PTPRK: variants seen among roughly 807,000 people sequenced by gnomAD.
The protein encoded by PTPRK is receptor-type tyrosine-protein phosphatase kappa.
Under a neutral mutation model 178.0 loss-of-function variants are expected in PTPRK, and 75 were observed. The ratio of observed to expected loss-of-function variants is 0.42; its 90% CI spans 0.35 to 0.51. PTPRK has a LOEUF of 0.51. PTPRK is among the 20% of genes least tolerant of loss of function. The pLI, the probability that PTPRK is intolerant of heterozygous loss-of-function variation, is 0.02. For synonymous variants in PTPRK, 637 were observed against 620.6 expected (o/e 1.03, Z -0.39); for missense variants, 1,441 against 1,797.8 (o/e 0.80, Z 3.59).
At chr6:128,215,619 A>G (rs1809131995) in intron 6 of PTPRK, among the ~76,000 whole-genome samples, 1 of 152,154 alleles carries the variant, frequency 6.6e-6, no homozygotes. Flanking sequence ...GTGGGAAAAC[A>G]TAGATCAATA....
intron 7 of PTPRK, among the ~76,000 whole-genome samples, chr6:128,158,557 A>T (rs1798262821): frequency 6.6e-6 from 1 of 151,956 alleles, no homozygotes; most frequent in Non-Finnish European, 1.5e-5. Context: ...ACTGGAAGAA[A>T]GTCTGAACGT....
intron 7 of PTPRK, among the ~76,000 whole-genome samples, chr6:128,157,419 CTAAA>C (rs775390739): frequency 2.6e-5 from 4 of 151,898 alleles, no homozygotes. Context: ...TCACAGTTGA[CTAAA>C]TAAACCACAA....
At chr6:128,381,202 T>C (rs988490238) in intron 2 of PTPRK, among the ~76,000 whole-genome samples, 5 of 152,212 alleles carry the variant, frequency 3.3e-5, no homozygotes, top group African/African-American at 1.2e-4. Flanking sequence ...GAAAATTTTT[T>C]AATTAGAATG....
At chr6:128,149,002 T>C (rs1796884817) in intron 7 of PTPRK, among the ~76,000 whole-genome samples, 2 of 151,910 alleles carry the variant, frequency 1.3e-5, no homozygotes, top group Admixed American at 6.6e-5. Flanking sequence ...CAAGGGGAAT[T>C]CATTGACGAT....
At chr6:128,469,631 C>T (rs1237050337) in intron 1 of PTPRK, among the ~76,000 whole-genome samples, 2 of 152,050 alleles carry the variant, frequency 1.3e-5, no homozygotes, top group African/African-American at 2.4e-5. Flanking sequence ...CTGAATAATG[C>T]GCCCCCAACA....
intron 3 of PTPRK, among the ~76,000 whole-genome samples, chr6:128,319,146 T>A (rs1402571247): frequency 2.0e-5 from 3 of 152,174 alleles, no homozygotes; most frequent in Non-Finnish European, 2.9e-5. Context: ...GTGGAAAGCA[T>A]CTAGGAATAG....
chr6:128,151,068 T>G (rs1331606504), intron 7 of PTPRK, among the ~76,000 whole-genome samples: 1 of 152,124 alleles, frequency 6.6e-6, no homozygotes, highest in African/African-American at 2.4e-5. Context: ...TTGATTGATA[T>G]TTCAGGCTGT....
chr6:128,050,366 T>C (rs968280137), intron 13 of PTPRK, among the ~76,000 whole-genome samples: 1 of 152,158 alleles, frequency 6.6e-6, no homozygotes, highest in East Asian at 1.9e-4. Context: ...CCAAATTCCG[T>C]TTCATATTTT....
Position 128,054,645 on chromosome 6 carries a change from A to G in PTPRK, c.2194+10113T>C, listed in dbSNP as rs189323213. Among the ~76,000 whole-genome samples the G allele has an allele frequency of 1.9e-4, 29 of 151,394 alleles. 1 individual carries two copies. The East Asian group carries it at 4.8e-3, about 25-fold the overall frequency. Reference sequence around the variant, plus strand: ...GTGGGACACAAGCATTGCTCACTACACTTTTCCAGCCACTTTGTCTTTTTT... The same window carrying G: ...GTGGGACACAAGCATTGCTCACTACGCTTTTCCAGCCACTTTGTCTTTTTT... On this transcript the variant is annotated intron_variant, in intron 13 of 29. Transcript: ENST00000368226.
intron 25 of PTPRK, 132 bp from the exon 26 acceptor site, chr6:127,977,186 G>A: frequency 1.2e-6 from 1 of 857,868 alleles, no homozygotes; most frequent in Non-Finnish European, 1.8e-6. Context: ...GAGCCAGAGT[G>A]ATGATTAAAC....
rs549854579 is a variant in PTPRK, at chr6:128,231,423, T to C, written c.693+8612A>G. On this transcript the variant is annotated intron_variant, in intron 5 of 29. Coordinates refer to ENST00000368226, the MANE Select transcript of PTPRK (RefSeq NM_002844.4). ...GAATTAAATAGCAAGCTACTATTCA[T>C]CTATCAGCTAAAGTTTAGAGCAGGT... 4.0e-4 allele frequency among the ~76,000 whole-genome samples: 61 copies of C among 152,298 alleles called. 1 individual carries two copies. The South Asian group carries it at 5.2e-3, about 13-fold the overall frequency.
At chr6:128,309,621 G>A (rs1304635409) in intron 3 of PTPRK, among the ~76,000 whole-genome samples, 1 of 152,018 alleles carries the variant, frequency 6.6e-6, no homozygotes, top group Non-Finnish European at 1.5e-5. Context: ...CTTCTCATCA[G>A]CCTCTTTGTT....
At chr6:128,171,585 G>A (rs991802979) in intron 7 of PTPRK, among the ~76,000 whole-genome samples, 7 of 151,876 alleles carry the variant, frequency 4.6e-5, no homozygotes, top group Admixed American at 1.3e-4. Context: ...TAACAAATGC[G>A]TTACTAGTCC....
At chr6:128,319,934 T>TAAG (rs1828558481) in intron 3 of PTPRK, among the ~76,000 whole-genome samples, 1 of 152,208 alleles carries the variant, frequency 6.6e-6, no homozygotes, top group African/African-American at 2.4e-5. Flanking sequence ...CTCTGTTGTT[T>TAAG]GCTCTCATTG....
At chr6:128,192,614 G>A (rs968198456) in intron 6 of PTPRK, among the ~76,000 whole-genome samples, 2 of 151,992 alleles carry the variant, frequency 1.3e-5, no homozygotes, top group Admixed American at 1.3e-4. Context: ...GAGCCCAGGA[G>A]TTTGAGACCA....
chr6:128,332,117 T>C (rs1403078029), intron 2 of PTPRK, among the ~76,000 whole-genome samples: 1 of 152,154 alleles, frequency 6.6e-6, no homozygotes, highest in Non-Finnish European at 1.5e-5. Context: ...TTTAGAAACC[T>C]GGCCAAGCAT....
chr6:128,281,859 G>C (rs1821727639), intron 3 of PTPRK, among the ~76,000 whole-genome samples: 1 of 152,028 alleles, frequency 6.6e-6, no homozygotes, highest in Non-Finnish European at 1.5e-5. Context: ...ATCCCTATCA[G>C]AATTAATCTA....
chr6:128,238,185 C>T (rs1345000659), intron 5 of PTPRK: 2 of 203,780 alleles, frequency 9.8e-6, no homozygotes, highest in Non-Finnish European at 9.2e-6. Flanking sequence ...TAGCAAACGC[C>T]AAAAAAAAAA....
chr6:128,267,566 A>G (rs1451110449), intron 3 of PTPRK, among the ~76,000 whole-genome samples: 1 of 152,120 alleles, frequency 6.6e-6, no homozygotes, highest in Non-Finnish European at 1.5e-5. Flanking sequence ...CCTCTCCAAT[A>G]GTTGGCTATT....
Sources: allele counts gnomAD v4.1 joint callset (sites outside exome capture counted in the v4.1 genomes callset), GRCh38; gene constraint gnomAD v4.1.1; transcripts MANE v1.5; gene names NCBI Gene and HGNC (gene_info 2026-07-23, HGNC 2026-07-21).